The following BCKDHB variants were observed in gnomAD, a reference collection of about 807,000 sequenced individuals.
BCKDHB encodes the protein branched chain keto acid dehydrogenase E1 subunit beta.
A neutral mutation model predicts 48.5 loss-of-function variants in BCKDHB; 41 were observed. The ratio of observed to expected loss-of-function variants is 0.85; its 90% CI spans 0.66 to 1.10. The LOEUF (loss-of-function observed/expected upper bound fraction) is 1.10. Ranked by LOEUF, BCKDHB falls within the 50% of genes least tolerant of loss-of-function variation. The pLI is 0.00. For synonymous variants in BCKDHB, 201 were observed against 174.8 expected (o/e 1.15, Z -1.18); for missense variants, 496 against 494.2 (o/e 1.00, Z -0.03).
At chr6:80,137,075 A>G (rs557767236) in intron 3 of BCKDHB, among the ~76,000 whole-genome samples, 1 of 152,214 alleles carries the variant, frequency 6.6e-6, no homozygotes, top group African/African-American at 2.4e-5. Flanking sequence ...TAGAATTTCC[A>G]TATGATGCAG....
chr6:80,176,842 A>G (rs1773178171), intron 6 of BCKDHB, among the ~76,000 whole-genome samples: 1 of 152,218 alleles, frequency 6.6e-6, no homozygotes, highest in Non-Finnish European at 1.5e-5. Flanking sequence ...TAAAGCTCCG[A>G]GTAAAAGATA....
intron 3 of BCKDHB, among the ~76,000 whole-genome samples, chr6:80,132,063 A>AT (rs1770656797): frequency 1.3e-5 from 2 of 151,812 alleles, no homozygotes; most frequent in Admixed American, 1.3e-4. Flanking sequence ...GCTTTTTAAA[A>AT]TTTTTATTAA....
chr6:80,421,001 A>C, the BCKDHB span, among the ~76,000 whole-genome samples: 1 of 152,104 alleles, frequency 6.6e-6, no homozygotes, highest in African/African-American at 2.4e-5. Flanking sequence ...TTTTACTGGA[A>C]TACTGGAACC....
In BCKDHB at chr6:80,160,505, T is replaced by C. The variant is rs192609610; in HGVS notation, c.344-7173T>C. Among the ~76,000 whole-genome samples the C allele has an allele frequency of 2.6e-5, 4 of 152,288 alleles. No homozygotes were observed. The East Asian group carries it at 7.7e-4, about 29-fold the overall frequency. ...CCCTCTTTTCCCTATTTTTCTGGTC[T>C]ATAGTTGTGGCTGAATGTTAGATAG... is the stretch of plus-strand genomic sequence containing the variant. On this transcript the variant is annotated intron_variant, in intron 3 of 9. Coordinates refer to ENST00000320393, the MANE Select transcript of BCKDHB (RefSeq NM_183050.4).
At chr6:80,241,108 T>G (rs926797434) in intron 8 of BCKDHB, among the ~76,000 whole-genome samples, 1 of 152,126 alleles carries the variant, frequency 6.6e-6, no homozygotes, top group Non-Finnish European at 1.5e-5. Context: ...ATCAGGTCAT[T>G]TAAGGTCTTC....
intron 6 of BCKDHB, among the ~76,000 whole-genome samples, chr6:80,174,642 A>C (rs987496399): frequency 7.2e-5 from 11 of 152,204 alleles, no homozygotes; most frequent in African/African-American, 2.7e-4. Context: ...AAGTATAAGT[A>C]AGGATACAAA....
At chr6:80,322,834 T>G (rs1768805392) in intron 9 of BCKDHB, among the ~76,000 whole-genome samples, 1 of 152,100 alleles carries the variant, frequency 6.6e-6, no homozygotes. Flanking sequence ...CTTGCTGTTT[T>G]ATAATTACCC....
intron 9 of BCKDHB, among the ~76,000 whole-genome samples, chr6:80,294,641 C>A (rs2127987332): frequency 6.6e-6 from 1 of 152,246 alleles, no homozygotes; most frequent in East Asian, 1.9e-4. Context: ...GAGTGTCTGT[C>A]TTATGTGCTT....
At chr6:80,257,198 C>T (rs1360710484) in intron 8 of BCKDHB, among the ~76,000 whole-genome samples, 1 of 152,050 alleles carries the variant, frequency 6.6e-6, no homozygotes, top group African/African-American at 2.4e-5. Flanking sequence ...TCTGTCCTGT[C>T]ATAGGGCTTC....
rs1305002480 is a variant in BCKDHB at position 80,342,576 on chromosome 6, AAAAGAAAG to A, written c.1039-1087_1039-1080del. On this transcript the variant is annotated intron_variant, in intron 9 of 9. Coordinates refer to ENST00000320393, the MANE Select transcript of BCKDHB (RefSeq NM_183050.4). Reference sequence around the variant, plus strand: ...TTTCTGAAAAAAAAAAAAAAAAAAAAAAAGAAAGGGAAGAAAGGGGAAGGAAGGGAAGG... The same window carrying A: ...TTTCTGAAAAAAAAAAAAAAAAAAAAGGAAGAAAGGGGAAGGAAGGGAAGG... Among the ~76,000 whole-genome samples, 309 of 141,684 alleles carry A rather than the reference AAAAGAAAG, an allele frequency of 2.2e-3. 10 individuals carry two copies. The highest frequency in any genetic ancestry group is 6.9e-3 in the African/African-American group (273 of 39,560). The allele number at this position is 141,684 out of a possible 152,430, so 93.0% of individuals were successfully genotyped here. A position where few individuals can be genotyped will look rare whatever the true frequency, so the allele number is the denominator to read the frequency against.
the BCKDHB span, among the ~76,000 whole-genome samples, chr6:80,417,252 G>T: frequency 1.3e-5 from 2 of 152,150 alleles, no homozygotes; most frequent in South Asian, 4.1e-4. Flanking sequence ...CTGCATATGA[G>T]ATGGGTCTCT....
At chr6:80,203,677 G>A (rs1411243851) in intron 8 of BCKDHB, among the ~76,000 whole-genome samples, 1 of 152,056 alleles carries the variant, frequency 6.6e-6, no homozygotes, top group Non-Finnish European at 1.5e-5. Context: ...TCTTAATACT[G>A]TGGATTACAG....
chr6:80,265,352 C>T (rs1777469566), intron 8 of BCKDHB, among the ~76,000 whole-genome samples: 1 of 152,020 alleles, frequency 6.6e-6, no homozygotes, highest in African/African-American at 2.4e-5. Flanking sequence ...TATATACATA[C>T]AGTGGGATAT....
intron 9 of BCKDHB, among the ~76,000 whole-genome samples, chr6:80,321,591 A>G (rs1768724290): frequency 6.6e-6 from 1 of 152,202 alleles, no homozygotes; most frequent in Non-Finnish European, 1.5e-5. Context: ...TTTTATCAAC[A>G]TGCCCATAAC....
At chr6:80,455,944 G>A in the BCKDHB span, among the ~76,000 whole-genome samples, 2 of 152,142 alleles carry the variant, frequency 1.3e-5, no homozygotes, top group African/African-American at 4.8e-5. Context: ...ACAAACCTTC[G>A]CTGGGCGCGG....
intron 1 of BCKDHB, among the ~76,000 whole-genome samples, chr6:80,123,263 C>T (rs144163099): frequency 2.6e-4 from 39 of 152,300 alleles, no homozygotes; most frequent in African/African-American, 8.4e-4. Flanking sequence ...ACAATTATCA[C>T]AGTGGTCCTG....
downstream of BCKDHB, among the ~76,000 whole-genome samples, chr6:80,350,921 G>A (rs936218714): frequency 1.3e-5 from 2 of 152,162 alleles, no homozygotes; most frequent in South Asian, 2.1e-4. Context: ...AAATTCCACA[G>A]AACCTAGAGT....
At chr6:80,320,111 C>A (rs1768644323) in intron 9 of BCKDHB, among the ~76,000 whole-genome samples, 1 of 151,928 alleles carries the variant, frequency 6.6e-6, no homozygotes, top group Non-Finnish European at 1.5e-5. Flanking sequence ...TTTTTCCTAC[C>A]AAGTTAAATA....
chr6:80,371,615 G>C, the BCKDHB span, among the ~76,000 whole-genome samples: 1 of 152,004 alleles, frequency 6.6e-6, no homozygotes, highest in African/African-American at 2.4e-5. Flanking sequence ...TATGGTTTCA[G>C]GTCTTAGATT....
Sources: gnomAD v4.1 joint callset for allele counts (sites outside exome capture counted in the v4.1 genomes callset) on GRCh38, gnomAD v4.1.1 for gene constraint, MANE v1.5 for transcripts, NCBI Gene and HGNC (gene_info 2026-07-23, HGNC 2026-07-21) for gene names.